Variants in SIRT5 observed in about 807,000 individuals in gnomAD.
SIRT5 encodes sirtuin 5.
A neutral mutation model predicts 40.0 loss-of-function variants in SIRT5; 26 were observed. The ratio of observed to expected loss-of-function variants is 0.65; its 90% CI spans 0.48 to 0.90. The LOEUF (loss-of-function observed/expected upper bound fraction) is 0.90, where lower values mean the gene tolerates loss of function less well. Among genes scored for constraint, SIRT5 ranks in the 40% least tolerant of loss-of-function variants. The probability of loss-of-function intolerance (pLI) is 0.00; values close to 1 mark genes in which losing one functional copy is unlikely to be tolerated. For synonymous variants in SIRT5, 146 were observed against 149.1 expected (o/e 0.98, Z 0.15); for missense variants, 401 against 402.4 (o/e 1.00, Z 0.03).
chr6:13,604,620 C>A, intron 9 of SIRT5: 1 of 1,488,262 alleles, frequency 6.7e-7, no homozygotes, highest in South Asian at 1.3e-5. Context: ...TGGCCCCCAC[C>A]TCCCATGCCA....
At chr6:13,582,909 A>AC (rs1371733987) in intron 2 of SIRT5, among the ~76,000 whole-genome samples, 5 of 152,198 alleles carry the variant, frequency 3.3e-5, no homozygotes, top group African/African-American at 1.2e-4. Context: ...TTACATTCTC[A>AC]CAGAAACTAC....
chr6:13,584,582 C>T (rs1759807962), intron 3 of SIRT5, among the ~76,000 whole-genome samples: 1 of 152,160 alleles, frequency 6.6e-6, no homozygotes, highest in Admixed American at 6.5e-5. Flanking sequence ...ATCTCTTGAT[C>T]TCGTAATTTG....
At chr6:13,601,857 A>G (rs2127706872) in intron 9 of SIRT5, among the ~76,000 whole-genome samples, 2 of 151,718 alleles carry the variant, frequency 1.3e-5, no homozygotes, top group East Asian at 3.9e-4. Context: ...AAAAGAAAAA[A>G]GAAAGAAAAG....
At chr6:13,575,570 ATATT>A (rs1186580301) in intron 1 of SIRT5, among the ~76,000 whole-genome samples, 2 of 151,946 alleles carry the variant, frequency 1.3e-5, no homozygotes, top group Non-Finnish European at 2.9e-5. Context: ...ACAAATTTAT[ATATT>A]TATAGCGTAC....
At chr6:13,611,252 C>CAT (rs1763872550) in intron 9 of SIRT5, among the ~76,000 whole-genome samples, 2 of 142,122 alleles carry the variant, frequency 1.4e-5, no homozygotes, top group African/African-American at 2.6e-5. Context: ...CACACATACA[C>CAT]ACACACATAT....
At chr6:13,606,632 A>T (rs930633333) in intron 9 of SIRT5, among the ~76,000 whole-genome samples, 1 of 152,176 alleles carries the variant, frequency 6.6e-6, no homozygotes, top group Non-Finnish European at 1.5e-5. Flanking sequence ...CATACTTTAA[A>T]CATTTTGATA....
intron 9 of SIRT5, chr6:13,604,636 T>C (rs201283975): frequency 4.2e-6 from 6 of 1,444,158 alleles, no homozygotes; most frequent in Non-Finnish European, 4.5e-6. Flanking sequence ...TGCCATGGAC[T>C]GAGCAGCAGG....
intron 3 of SIRT5, among the ~76,000 whole-genome samples, chr6:13,584,794 A>C (rs111660548): frequency 4.3e-4 from 65 of 152,324 alleles, no homozygotes; most frequent in African/African-American, 1.5e-3. Context: ...TAAAATCCTT[A>C]TCTCTCTGCA....
intron 9 of SIRT5, among the ~76,000 whole-genome samples, chr6:13,606,810 T>C (rs1282458881): frequency 6.6e-6 from 1 of 151,756 alleles, no homozygotes; most frequent in Non-Finnish European, 1.5e-5. Flanking sequence ...GCCTCCCGAG[T>C]AGCTGGGATT....
At chr6:13,591,598 G>A (rs1399581627) in intron 4 of SIRT5, 71 bp from the exon 5 acceptor site, 9 of 1,295,690 alleles carry the variant, frequency 6.9e-6, no homozygotes, top group Non-Finnish European at 8.4e-6. Context: ...GGGAGGAAGG[G>A]CCTGTGCCCC....
intron 3 of SIRT5, among the ~76,000 whole-genome samples, chr6:13,588,058 A>G (rs1760310601): frequency 6.6e-6 from 1 of 152,186 alleles, no homozygotes; most frequent in East Asian, 1.9e-4. Context: ...GGATGGAGAA[A>G]GGTACGTAAC....
chr6:13,595,954 T>C (rs1761521743), intron 6 of SIRT5, among the ~76,000 whole-genome samples: 1 of 152,198 alleles, frequency 6.6e-6, no homozygotes, highest in African/African-American at 2.4e-5. Context: ...ATCATGCCAC[T>C]GCACTACAGC....
At chr6:13,590,511 G>C (rs1760718612) in intron 4 of SIRT5, among the ~76,000 whole-genome samples, 1 of 151,846 alleles carries the variant, frequency 6.6e-6, no homozygotes, top group South Asian at 2.1e-4. Context: ...GTGCGTGTAG[G>C]TGTGTGTGGT....
At chr6:13,611,060 C>T (rs905162764) in intron 9 of SIRT5, among the ~76,000 whole-genome samples, 2 of 151,536 alleles carry the variant, frequency 1.3e-5, no homozygotes, top group Admixed American at 6.6e-5. Flanking sequence ...AACTACACCT[C>T]AGAAGCTAGT....
At position 13,591,839 on chromosome 6, in the gene SIRT5, G is replaced by C. The variant is rs1421258162; in HGVS notation, c.420G>C (p.Gln140His). ...GCCGGCGAGTCGTGGTCATCACCCAGAACATCGATGAGCTGCACCGCAAGG... is the reference window on the plus strand; with the variant it reads ...GCCGGCGAGTCGTGGTCATCACCCACAACATCGATGAGCTGCACCGCAAGG... ...KQGRRVVVITQNIDELHRKAG... is the reference protein window; with the variant it reads ...KQGRRVVVITHNIDELHRKAG... The change falls in exon 5 of 10, where the codon CAG (glutamine) becomes CAC (histidine). Residue 140 changes from glutamine to histidine, a missense_variant. Physicochemically the swap from Gln to His is conservative, Grantham distance 24. Coordinates refer to ENST00000606117, the MANE Select transcript of SIRT5 (RefSeq NM_012241.5). The C allele has an allele frequency of 6.2e-7, 1 of 1,614,110 alleles. No homozygotes were observed. Among genetic ancestry groups the C allele is most frequent in the Admixed American group, 1.7e-5 (1 of 60,014 alleles).
At chr6:13,602,414 C>T (rs557276594) in intron 9 of SIRT5, among the ~76,000 whole-genome samples, 8 of 151,824 alleles carry the variant, frequency 5.3e-5, no homozygotes, top group East Asian at 3.9e-4. Context: ...GCAGGAGAAT[C>T]GCTTGAACCT....
At chr6:13,578,635 A>AT (rs1005757340) in intron 1 of SIRT5, among the ~76,000 whole-genome samples, 1 of 151,472 alleles carries the variant, frequency 6.6e-6, no homozygotes, top group Non-Finnish European at 1.5e-5. Flanking sequence ...AAAAAAAAAA[A>AT]AAGAAAATAA....
At chr6:13,604,437 T>C (rs1486263116) in intron 9 of SIRT5, 2 of 1,196,214 alleles carry the variant, frequency 1.7e-6, no homozygotes, top group Middle Eastern at 1.9e-4. Flanking sequence ...ACCTGAGCTA[T>C]GTCCCCAGTT....
chr6:13,592,022 G>T, intron 5 of SIRT5, 128 bp downstream of exon 5: 1 of 929,438 alleles, frequency 1.1e-6, no homozygotes, highest in Non-Finnish European at 1.6e-6. Context: ...GGATGCTGTG[G>T]CATTTCCTTT....
Sources: allele counts gnomAD v4.1 joint callset (sites outside exome capture counted in the v4.1 genomes callset), GRCh38; gene constraint gnomAD v4.1.1; transcripts MANE v1.5; gene names NCBI Gene and HGNC (gene_info 2026-07-23, HGNC 2026-07-21).